Variants in SLC24A3 observed in about 807,000 individuals in gnomAD.
SLC24A3 encodes sodium/potassium/calcium exchanger 3.
In SLC24A3, 28 loss-of-function variants were observed where a neutral mutation model predicts 75.8. The observed-to-expected ratio is 0.37, with a 90% confidence interval of 0.27 to 0.51. The LOEUF is 0.51. Among genes scored for constraint, SLC24A3 ranks in the 20% least tolerant of loss-of-function variants. The pLI, the probability that SLC24A3 is intolerant of heterozygous loss-of-function variation, is 0.94. For synonymous variants in SLC24A3, 372 were observed against 334.1 expected (o/e 1.11, Z -1.24); for missense variants, 663 against 847.8 (o/e 0.78, Z 2.71).
At chr20:19,534,177 TG>T (rs1293342757) in intron 3 of SLC24A3, among the ~76,000 whole-genome samples, 1 of 152,270 alleles carries the variant, frequency 6.6e-6, no homozygotes, top group Non-Finnish European at 1.5e-5. Flanking sequence ...AAATATAGAA[TG>T]TTGGCAGTTA....
At chr20:19,463,566 G>A (rs1987714745) in intron 2 of SLC24A3, among the ~76,000 whole-genome samples, 1 of 152,186 alleles carries the variant, frequency 6.6e-6, no homozygotes, top group Non-Finnish European at 1.5e-5. Flanking sequence ...CCTAGGATGT[G>A]GATAGAGTTG....
chr20:19,216,530 GC>G (rs1981560237), intron 1 of SLC24A3, among the ~76,000 whole-genome samples: 1 of 152,016 alleles, frequency 6.6e-6, no homozygotes, highest in African/African-American at 2.4e-5. Flanking sequence ...GATTGTTTGA[GC>G]CCAGAAGACT....
chr20:19,619,023 C>G (rs959168834), intron 6 of SLC24A3, among the ~76,000 whole-genome samples: 1 of 152,166 alleles, frequency 6.6e-6, no homozygotes, highest in Admixed American at 6.5e-5. Flanking sequence ...CTTTGCTCCC[C>G]GAGTGCCCCA....
rs367781560 is a variant in SLC24A3 at position 19,546,158 on chromosome 20, C to CA, written c.348+30624dup. Among the ~76,000 whole-genome samples, 339 of 46,734 alleles carry CA rather than the reference C, an allele frequency of 7.3e-3. 22 individuals are homozygous for CA. Among genetic ancestry groups the CA allele is most frequent in the African/African-American group, 0.015 (160 of 10,406 alleles). The allele number at this position is 46,734 out of a possible 152,430, so 30.7% of individuals were successfully genotyped here. On this transcript the variant is annotated intron_variant, in intron 3 of 16. Transcript: ENST00000328041. ...TGGGCGACAGAGCGAGACTCCGTCT[C>CA]AAAAAAAAAAAAAAAAAAAAAAAAA... is the stretch of plus-strand genomic sequence containing the variant.
intron 2 of SLC24A3, among the ~76,000 whole-genome samples, chr20:19,503,958 G>A (rs1254506919): frequency 2.0e-5 from 3 of 152,204 alleles, no homozygotes; most frequent in Non-Finnish European, 4.4e-5. Flanking sequence ...AGGAGTGCCA[G>A]TTATTCTTTC....
intron 2 of SLC24A3, among the ~76,000 whole-genome samples, chr20:19,318,678 G>A (rs1453577101): frequency 6.6e-6 from 1 of 152,048 alleles, no homozygotes. Context: ...GGGTAGGTGT[G>A]GGGAGGGAAT....
At chr20:19,688,839 T>C (rs1385408733) in intron 12 of SLC24A3, among the ~76,000 whole-genome samples, 1 of 152,222 alleles carries the variant, frequency 6.6e-6, no homozygotes, top group African/African-American at 2.4e-5. Context: ...CAATTTAAGA[T>C]TGATATAACA....
intron 2 of SLC24A3, among the ~76,000 whole-genome samples, chr20:19,443,226 A>G (rs1423639042): frequency 6.6e-6 from 1 of 152,208 alleles, no homozygotes; most frequent in African/African-American, 2.4e-5. Context: ...ATTACTTGCT[A>G]TGATATTGAT....
chr20:19,281,471 A>T (rs1010292981), intron 2 of SLC24A3, among the ~76,000 whole-genome samples: 19 of 152,234 alleles, frequency 1.2e-4, no homozygotes, highest in African/African-American at 4.6e-4. Flanking sequence ...CTTTGTTTCT[A>T]TCACAGTAGA....
intron 1 of SLC24A3, among the ~76,000 whole-genome samples, chr20:19,269,234 C>T (rs979750300): frequency 6.6e-6 from 1 of 152,246 alleles, no homozygotes; most frequent in Non-Finnish European, 1.5e-5. Context: ...ACATTCCCAT[C>T]ACTGCACAGG....
At chr20:19,235,572 A>G (rs370124724) in intron 1 of SLC24A3, among the ~76,000 whole-genome samples, 32 of 152,176 alleles carry the variant, frequency 2.1e-4, no homozygotes, top group African/African-American at 7.2e-4. Context: ...CGTCTCTCCC[A>G]TGGCTCCTCA....
At chr20:19,512,078 C>A (rs1479962776) in intron 2 of SLC24A3, among the ~76,000 whole-genome samples, 3 of 152,214 alleles carry the variant, frequency 2.0e-5, no homozygotes, top group African/African-American at 7.2e-5. Context: ...AGATTGGAGG[C>A]TCTCATTGCC....
chr20:19,555,313 G>C (rs1400735876), intron 3 of SLC24A3, among the ~76,000 whole-genome samples: 2 of 152,170 alleles, frequency 1.3e-5, no homozygotes, highest in African/African-American at 4.8e-5. Flanking sequence ...AGCAGATTAT[G>C]TCAGAGGCCC....
intron 7 of SLC24A3, among the ~76,000 whole-genome samples, chr20:19,664,250 G>C (rs6046234): frequency 3.9e-5 from 6 of 152,196 alleles, no homozygotes; most frequent in South Asian, 2.1e-4. Flanking sequence ...AAGAAAGTTG[G>C]GGGGGTTATA....
chr20:19,479,932 C>T (rs1298172911), intron 2 of SLC24A3, among the ~76,000 whole-genome samples: 1 of 152,204 alleles, frequency 6.6e-6, no homozygotes, highest in African/African-American at 2.4e-5. Flanking sequence ...GGCCTCAATA[C>T]CCGCTCATTC....
At chr20:19,651,284 T>C (rs6081695) in intron 6 of SLC24A3, among the ~76,000 whole-genome samples, 7,858 of 150,758 alleles carry the variant, frequency 0.052, 252 homozygotes, top group Non-Finnish European at 0.065. Flanking sequence ...ATTTCAATTG[T>C]TTTCCTTTCT....
At chr20:19,592,796 TC>T (rs201444691) in intron 6 of SLC24A3, among the ~76,000 whole-genome samples, 17 of 144,444 alleles carry the variant, frequency 1.2e-4, no homozygotes, top group African/African-American at 2.3e-4. Context: ...TTTCTTTCTT[TC>T]TTTTTTTTTT....
Position 19,600,080 on chromosome 20 carries a change from A to T in SLC24A3, c.612+14536A>T, listed in dbSNP as rs188206854. ...TTGAAGGCCCGTGGGGGTCATTCTG[A>T]GGGAAGGCCTCAGTGCTCTTGGTAC... On this transcript the variant is annotated intron_variant, in intron 6 of 16. Coordinates refer to ENST00000328041, the MANE Select transcript of SLC24A3 (RefSeq NM_020689.4). Among the ~76,000 whole-genome samples the T allele has an allele frequency of 9.6e-4, 146 of 152,230 alleles. 1 individual carries two copies. The East Asian group carries it at 0.021, about 22-fold the overall frequency.
At position 19,474,105 on chromosome 20, in the gene SLC24A3, C is replaced by T. The variant is rs531037791; in HGVS notation, c.272-41383C>T. Among the ~76,000 whole-genome samples, 20 of 152,306 alleles carry T rather than the reference C, an allele frequency of 1.3e-4. No homozygotes were observed. In the East Asian group the frequency reaches 3.3e-3, roughly 25 times the overall value. On this transcript the variant is annotated intron_variant, in intron 2 of 16. Coordinates refer to ENST00000328041, the MANE Select transcript of SLC24A3 (RefSeq NM_020689.4). ...AGCTCGCTTCATAAAGCCTGTCAGC[C>T]GCAGTGGCAATTCCAGTCTAGCTTT...
Sources: allele counts gnomAD v4.1 joint callset (sites outside exome capture counted in the v4.1 genomes callset), GRCh38; gene constraint gnomAD v4.1.1; transcripts MANE v1.5; gene names NCBI Gene and HGNC (gene_info 2026-07-23, HGNC 2026-07-21).